KRT75: variants seen among roughly 807,000 people sequenced by gnomAD.
KRT75 encodes the protein keratin 75.
A neutral mutation model predicts 48.8 loss-of-function variants in KRT75; 35 were observed. The ratio of observed to expected loss-of-function variants is 0.72; its 90% confidence interval spans 0.55 to 0.95. The LOEUF (loss-of-function observed/expected upper bound fraction) is 0.95, where lower values mean the gene tolerates loss of function less well. KRT75 is among the 40% of genes least tolerant of loss of function. The probability of loss-of-function intolerance (pLI) is 0.00; values close to 1 mark genes in which losing one functional copy is unlikely to be tolerated. For missense variants in KRT75, 776 were observed against 709.9 expected, an observed-to-expected ratio of 1.09 and a Z score of -1.06; for synonymous variants, 301 against 282.3, an observed-to-expected ratio of 1.07 and a Z score of -0.66.
At chr12:52,433,738 C>A in intron 1 of KRT75, 69 bp downstream of exon 1, 3 of 1,608,970 alleles carry the variant, frequency 1.9e-6, no homozygotes, top group Non-Finnish European at 2.6e-6. Flanking sequence ...TGCTCTCCCC[C>A]CATGGGATGG....
intron 4 of KRT75, among the ~76,000 whole-genome samples, chr12:52,431,337 C>T (rs576101502): frequency 1.5e-4 from 23 of 152,100 alleles, no homozygotes; most frequent in African/African-American, 5.1e-4. Flanking sequence ...TAAGGGAGTT[C>T]GGGGGAGAAG....
At chr12:52,432,310 A>G (rs1270369877) in intron 2 of KRT75, among the ~76,000 whole-genome samples, 1 of 152,230 alleles carries the variant, frequency 6.6e-6, no homozygotes, top group Non-Finnish European at 1.5e-5. Flanking sequence ...GGAATACAAA[A>G]ATATACTTAT....
chr12:52,425,662 G>T (rs112517108), intron 8 of KRT75, among the ~76,000 whole-genome samples: 3 of 152,352 alleles, frequency 2.0e-5, no homozygotes, highest in African/African-American at 4.8e-5. Flanking sequence ...GAGGCTGGAG[G>T]GGGGCTGGGC....
Position 52,431,941 on chromosome 12 carries a change from C to T in KRT75, c.774+65G>A, listed in dbSNP as rs560785655. On this transcript the variant is annotated intron_variant, in intron 3 of 8. Transcript: ENST00000252245. ...CTTGGGTGGCCCAAGGGTCAGAGGT[C>T]AGGTTACCCCACACTCCAGATTCCA... 2.6e-6 allele frequency: 4 copies of T among 1,514,422 alleles called. No homozygotes were observed. In the East Asian group the frequency reaches 6.8e-5, roughly 26 times the overall value. 93.8% of individuals were successfully genotyped at this position (1,514,422 alleles called of 1,614,324 possible). A position where few individuals can be genotyped will look rare whatever the true frequency, so the allele number is the denominator to read the frequency against.
intron 5 of KRT75, among the ~76,000 whole-genome samples, chr12:52,429,413 C>T (rs920425063): frequency 6.6e-6 from 1 of 152,134 alleles, no homozygotes; most frequent in Non-Finnish European, 1.5e-5. Context: ...TCTAATGGTG[C>T]ATATCCAGGA....
chr12:52,428,073 G>T, intron 7 of KRT75, 183 bp downstream of exon 7: 1 of 747,168 alleles, frequency 1.3e-6, no homozygotes, highest in Non-Finnish European at 2.2e-6. Context: ...AACTGTAGTT[G>T]CACCTCAAAT....
At chr12:52,426,988 T>G (rs1319882649) in intron 7 of KRT75, 137 bp from the exon 8 acceptor site, 1 of 730,670 alleles carries the variant, frequency 1.4e-6, no homozygotes, top group East Asian at 2.7e-5. Flanking sequence ...TAATGCAGGT[T>G]GAAATTATTT....
At position 52,428,794 on chromosome 12, in the gene KRT75, C is replaced by T. The variant is rs541543639; in HGVS notation, c.1036-51G>A. On this transcript the variant is annotated intron_variant, in intron 5 of 8. Coordinates refer to ENST00000252245, the MANE Select transcript of KRT75 (RefSeq NM_004693.3). ...CACTGAGTCAAATGCCTGGCCCAGG[C>T]ACTCGCTGTGCACACAGACCCACCC... 7.8e-5 allele frequency: 126 copies of T among 1,612,392 alleles called. 1 individual carries two copies. The South Asian group carries it at 1.3e-3, about 17-fold the overall frequency.
In KRT75 at chr12:52,429,840, C is replaced by T. The variant is rs1026125585; in HGVS notation, c.1035+701G>A. ...TGCCCCAAGAGGGGTCTGGATTTGA[C>T]AGGGAGCTGGTATCATGGGTCAATT... On this transcript the variant is annotated intron_variant, in intron 5 of 8. Transcript: ENST00000252245. Among the ~76,000 whole-genome samples the T allele has an allele frequency of 2.0e-5, 3 of 152,180 alleles. No individual in the cohort carries two copies. In the South Asian group the frequency reaches 6.2e-4, roughly 32 times the overall value.
Position 52,424,722 on chromosome 12 carries a change from C to T in KRT75, c.1451G>A (p.Gly484Glu). 1 of 1,614,022 alleles carries T rather than the reference C, an allele frequency of 6.2e-7. No individual in the cohort carries two copies. The highest frequency in any genetic ancestry group is 1.1e-5 in the South Asian group (1 of 91,064). Residue 484 changes from glycine to glutamate, a missense_variant, in exon 9 of 9, where the codon GGA becomes GAA. Physicochemically the swap from Gly to Glu is moderately conservative, Grantham distance 98. Coordinates refer to ENST00000252245, the MANE Select transcript of KRT75 (RefSeq NM_004693.3). ...VVTSTLSSGY[G>E]SGSSIGGGNL... is the part of the protein sequence containing the mutation. Reference sequence around the variant, plus strand: ...TCCACCTCCAATGCTGCTGCCGCTTCCATAGCCACTGGAAAGAGTAGAGGT... The same window carrying T: ...TCCACCTCCAATGCTGCTGCCGCTTTCATAGCCACTGGAAAGAGTAGAGGT...
At position 52,433,261 on chromosome 12, in the gene KRT75, A is replaced by T; in HGVS notation, c.499-9T>A. 2 of 1,610,654 alleles carry T rather than the reference A, an allele frequency of 1.2e-6. No individual in the cohort carries two copies. Among genetic ancestry groups the T allele is most frequent in the Non-Finnish European group, 1.7e-6 (2 of 1,177,152 alleles). On this transcript the variant is annotated splice_polypyrimidine_tract_variant and intron_variant, in intron 1 of 8. Coordinates refer to ENST00000252245, the MANE Select transcript of KRT75 (RefSeq NM_004693.3). ...TGCTCCAAGAACCTCACCTGGAGGG[A>T]AGAAGAGAGAATGAAACCTTGAGAA...
chr12:52,433,679 G>C, intron 1 of KRT75, 128 bp downstream of exon 1: 1 of 1,432,384 alleles, frequency 7.0e-7, no homozygotes, highest in Non-Finnish European at 9.6e-7. Context: ...CAGCCCCTGG[G>C]AGCCCGTGCT....
rs748039104 is a variant in KRT75 at position 52,434,138 on chromosome 12, C to G, written c.167G>C (p.Ser56Thr). 212 of 1,613,990 alleles carry G rather than the reference C, an allele frequency of 1.3e-4. No homozygotes were observed. Among genetic ancestry groups the G allele is most frequent in the Non-Finnish European group, 1.4e-4 (165 of 1,180,002 alleles). ...GTTGTAGAGGCTGCGGCTTCCAAAGCTGGCCCCAGCACTGCTGATCCTTCC... is the reference window on the plus strand; with the variant it reads ...GTTGTAGAGGCTGCGGCTTCCAAAGGTGGCCCCAGCACTGCTGATCCTTCC... ...GLGRISSAGA[S>T]FGSRSLYNLG... Residue 56 changes from serine (S) to threonine (T), a missense_variant, in exon 1 of 9, where the codon AGC (serine) becomes ACC (threonine). By Grantham distance (58) the Ser-to-Thr change is moderately conservative. Coordinates refer to ENST00000252245, the MANE Select transcript of KRT75 (RefSeq NM_004693.3).
In KRT75 at chr12:52,424,751, C is replaced by T. The variant is rs763387683; in HGVS notation, c.1422G>A (p.Val474=). Residue 474 remains valine, a synonymous_variant, in exon 9 of 9, where the codon GTG becomes GTA. Transcript: ENST00000252245. The part of the protein sequence containing the change: ...GEGVSPVNIS[V]VTSTLSSGYG... ...AGCCACTGGAAAGAGTAGAGGTGAC[C>T]ACAGCTGCCGGGAAGAGAGGAGGTG... is the stretch of plus-strand genomic sequence containing the variant. 2.5e-6 allele frequency: 4 copies of T among 1,611,688 alleles called. No homozygotes were observed. Among genetic ancestry groups the T allele is most frequent in the Non-Finnish European group, 3.4e-6 (4 of 1,178,098 alleles).
In KRT75 at chr12:52,424,548, G is replaced by A; in HGVS notation, c.1625C>T (p.Thr542Ile). ...SGSSVKFVST[T>I]SSSQKSYTH ...CGTGTAGCTCTTCTGGCTGGAGGAT[G>A]TGGTGGAGACAAACTTGACGCTAGA... The change falls in exon 9 of 9, where the codon ACA (threonine) becomes ATA (isoleucine). Residue 542 changes from threonine (T) to isoleucine (I), a missense_variant. Coordinates refer to ENST00000252245, the MANE Select transcript of KRT75 (RefSeq NM_004693.3). The A allele has an allele frequency of 3.1e-6, 5 of 1,614,186 alleles. No homozygotes were observed. Among genetic ancestry groups the A allele is most frequent in the Non-Finnish European group, 4.2e-6 (5 of 1,180,024 alleles).
Position 52,424,554 on chromosome 12 carries a change from G to A in KRT75, c.1619C>T (p.Ser540Phe). The A allele has an allele frequency of 6.2e-7, 1 of 1,614,156 alleles. No individual in the cohort carries two copies. The highest frequency in any genetic ancestry group is 8.5e-7 in the Non-Finnish European group (1 of 1,180,026). ...GCTCTTCTGGCTGGAGGATGTGGTGGAGACAAACTTGACGCTAGAACCACT... is the reference window on the plus strand; with the variant it reads ...GCTCTTCTGGCTGGAGGATGTGGTGAAGACAAACTTGACGCTAGAACCACT... Reference protein sequence around the residue: ...GGSGSSVKFVSTTSSSQKSYT... With the variant: ...GGSGSSVKFVFTTSSSQKSYT... The change falls in exon 9 of 9, where the codon TCC becomes TTC. Residue 540 changes from serine to phenylalanine, a missense_variant. Transcript: ENST00000252245.
chr12:52,428,090 C>G, intron 7 of KRT75, 166 bp downstream of exon 7: 2 of 873,412 alleles, frequency 2.3e-6, no homozygotes. Flanking sequence ...AAATGATTTA[C>G]TAGCCTGGAA....
In KRT75 at chr12:52,432,040, G is replaced by C. The variant is rs750843939; in HGVS notation, c.740C>G (p.Thr247Arg). The change falls in exon 3 of 9, where the codon ACA becomes AGA. Residue 247 changes from threonine (T) to arginine (R), a missense_variant. Coordinates refer to ENST00000252245, the MANE Select transcript of KRT75 (RefSeq NM_004693.3). ...GGCTACAAATTCATTCTCAGCAGCT[G>C]TGCGCTTGTTAATTTCATCTTCGTA... ...VRYEDEINKR[T>R]AAENEFVALK... The C allele has an allele frequency of 3.7e-6, 6 of 1,614,050 alleles. No individual in the cohort carries two copies. The African/African-American group carries it at 8.0e-5, about 22-fold the overall frequency.
rs1940099976 is a variant in KRT75, at chr12:52,428,371, C to T, written c.1267G>A (p.Ala423Thr). The T allele has an allele frequency of 6.2e-7, 1 of 1,614,060 alleles. No individual in the cohort carries two copies. The highest frequency in any genetic ancestry group is 1.3e-5 in the African/African-American group (1 of 74,920). The change falls in exon 7 of 9, where the codon GCC becomes ACC. Residue 423 changes from alanine to threonine, a missense_variant. Transcript: ENST00000252245. The part of the protein sequence containing the change: ...LVDLEEALQK[A>T]KQDMARLLRE... ...AGGAGCCGAGCCATGTCCTGCTTGG[C>T]CTTCTGCAGGGCCTCCTCAAGGTCC... is the stretch of plus-strand genomic sequence containing the variant.
Sources: gnomAD v4.1 joint callset for allele counts (sites outside exome capture counted in the v4.1 genomes callset) on GRCh38, gnomAD v4.1.1 for gene constraint, MANE v1.5 for transcripts, NCBI Gene and HGNC (gene_info 2026-07-23, HGNC 2026-07-21) for gene names.